The following DSCAM variants were observed in gnomAD, a reference collection of about 807,000 sequenced individuals.
The protein encoded by DSCAM is DS cell adhesion molecule, also known as cell adhesion molecule DSCAM.
In DSCAM, 47 loss-of-function variants were observed where a neutral mutation model predicts 217.7. That is an observed-to-expected ratio of 0.22 (90% confidence interval 0.17 to 0.28). DSCAM has a LOEUF of 0.28. Among genes scored for constraint, DSCAM ranks in the 10% least tolerant of loss-of-function variants. DSCAM has a pLI of 1.00. For synonymous variants in DSCAM, 1,056 were observed against 1,015.3 expected, an observed-to-expected ratio of 1.04 and a Z score of -0.76; for missense variants, 2,080 against 2,618.3, an observed-to-expected ratio of 0.79 and a Z score of 4.49.
chr21:40,567,813 C>A (rs2837709), intron 3 of DSCAM, among the ~76,000 whole-genome samples: 72,369 of 152,152 alleles, frequency 0.48, 17,542 homozygotes, highest in Admixed American at 0.56. Flanking sequence ...CGTTAAATGG[C>A]ATGGATTTGA....
chr21:40,563,202 T>A (rs980709541), intron 3 of DSCAM, among the ~76,000 whole-genome samples: 1 of 151,058 alleles, frequency 6.6e-6, no homozygotes, highest in Non-Finnish European at 1.5e-5. Flanking sequence ...TGTCCAGGAC[T>A]CTCTCATTTT....
chr21:40,310,943 AT>A (rs916412000), intron 9 of DSCAM, among the ~76,000 whole-genome samples: 35 of 150,932 alleles, frequency 2.3e-4, no homozygotes, highest in Admixed American at 8.6e-4. Context: ...TCACCTGGAA[AT>A]TTTTTTTTTC....
chr21:40,522,702 A>C lies in DSCAM; in HGVS notation c.509-153457T>G, dbSNP rs541645957. On this transcript the variant is annotated intron_variant, in intron 3 of 32. Coordinates refer to ENST00000400454, the MANE Select transcript of DSCAM (RefSeq NM_001389.5). ...GAGCAAAACAAACTTCGCTTTAAGAAGTTATCAAATCTCTGTATCTAAAGA... is the reference window on the plus strand; with the variant it reads ...GAGCAAAACAAACTTCGCTTTAAGACGTTATCAAATCTCTGTATCTAAAGA... Among the ~76,000 whole-genome samples the C allele has an allele frequency of 9.0e-4, 137 of 152,346 alleles. 1 individual carries two copies. The South Asian group carries it at 0.026, about 29-fold the overall frequency.
At chr21:40,741,597 TG>T in intron 1 of DSCAM, among the ~76,000 whole-genome samples, 1 of 152,122 alleles carries the variant, frequency 6.6e-6, no homozygotes, top group East Asian at 1.9e-4. Flanking sequence ...ACAAGTCCAC[TG>T]GGTAAATTTA....
In DSCAM at chr21:40,231,048, G is replaced by T. The variant is rs556790739; in HGVS notation, c.2357-41810C>A. On this transcript the variant is annotated intron_variant, in intron 11 of 32. Coordinates refer to ENST00000400454, the MANE Select transcript of DSCAM (RefSeq NM_001389.5). ...TTCACAACTTAGATCATATAGGTAG[G>T]CTGGAGAGGGCTGGAGTGGGAAGGA... 2.0e-5 allele frequency among the ~76,000 whole-genome samples: 3 copies of T among 151,222 alleles called. No homozygotes were observed. In the South Asian group the frequency reaches 6.3e-4, roughly 32 times the overall value.
intron 3 of DSCAM, among the ~76,000 whole-genome samples, chr21:40,509,430 G>C (rs1224904475): frequency 1.3e-5 from 2 of 152,210 alleles, no homozygotes; most frequent in African/African-American, 2.4e-5. Context: ...GTGGCCAAAG[G>C]AGATTTGATT....
chr21:40,497,436 G>C (rs1289980746), intron 3 of DSCAM, among the ~76,000 whole-genome samples: 1 of 149,460 alleles, frequency 6.7e-6, no homozygotes, highest in Non-Finnish European at 1.5e-5. Context: ...CATAGAAGTA[G>C]TGAGTAGAAT....
intron 19 of DSCAM, among the ~76,000 whole-genome samples, chr21:40,130,475 A>G (rs1412976735): frequency 6.6e-6 from 1 of 152,224 alleles, no homozygotes; most frequent in African/African-American, 2.4e-5. Flanking sequence ...ATATTTATGG[A>G]TAAAAGATGA....
intron 1 of DSCAM, among the ~76,000 whole-genome samples, chr21:40,821,093 G>GATATATATATATCTTCACATATATAT (rs1555892326): frequency 3.9e-5 from 5 of 129,356 alleles, no homozygotes; most frequent in Non-Finnish European, 6.5e-5. Flanking sequence ...CATATATAGA[G>GATATATATATATCTTCACATATATAT]AGATATATAT....
At chr21:40,700,235 A>T (rs2090640709) in intron 2 of DSCAM, among the ~76,000 whole-genome samples, 1 of 152,228 alleles carries the variant, frequency 6.6e-6, no homozygotes, top group Non-Finnish European at 1.5e-5. Flanking sequence ...GACGATGTAG[A>T]ATAGAAGTGG....
At chr21:40,327,719 T>A (rs143984663) in intron 8 of DSCAM, among the ~76,000 whole-genome samples, 1 of 152,302 alleles carries the variant, frequency 6.6e-6, no homozygotes, top group African/African-American at 2.4e-5. Flanking sequence ...GGAACATTCC[T>A]TCTGTATCTA....
intron 12 of DSCAM, among the ~76,000 whole-genome samples, chr21:40,188,751 A>G (rs2146829515): frequency 6.6e-6 from 1 of 151,916 alleles, no homozygotes; most frequent in Middle Eastern, 3.4e-3. Context: ...TCATTCCTGA[A>G]GGATTAACTG....
rs2075354955 is a variant in DSCAM at position 40,414,745 on chromosome 21, C to T, written c.509-45500G>A. On this transcript the variant is annotated intron_variant, in intron 3 of 32. Coordinates refer to ENST00000400454, the MANE Select transcript of DSCAM (RefSeq NM_001389.5). ...ATTATTATCAAAGTGCAGAGAATAT[C>T]TCGAGTGAGTCATTACCTGCCGACA... is the stretch of plus-strand genomic sequence containing the variant. Among the ~76,000 whole-genome samples, 3 of 152,136 alleles carry T rather than the reference C, an allele frequency of 2.0e-5. No homozygotes were observed. The South Asian group carries it at 6.2e-4, about 31-fold the overall frequency.
In DSCAM at chr21:40,481,358, C is replaced by T. The variant is rs147660598; in HGVS notation, c.509-112113G>A. ...CAAAAAAATTAGCCAGGCATGGTGG[C>T]GGGTGCCTGTAGTCCCAGCTACTCG... is the stretch of plus-strand genomic sequence containing the variant. On this transcript the variant is annotated intron_variant, in intron 3 of 32. Transcript: ENST00000400454. Among the ~76,000 whole-genome samples, 1,141 of 151,804 alleles carry T rather than the reference C, an allele frequency of 7.5e-3. 55 individuals are homozygous for T. Among genetic ancestry groups the T allele is most frequent in the Admixed American group, 0.069 (1,052 of 15,260 alleles).
chr21:40,436,954 CA>C (rs2075588603), intron 3 of DSCAM, among the ~76,000 whole-genome samples: 1 of 152,008 alleles, frequency 6.6e-6, no homozygotes, highest in African/African-American at 2.4e-5. Flanking sequence ...TACTGTTTTC[CA>C]AAAGGATTTG....
intron 3 of DSCAM, among the ~76,000 whole-genome samples, chr21:40,648,056 T>C (rs559881491): frequency 2.0e-5 from 3 of 151,954 alleles, no homozygotes; most frequent in African/African-American, 7.2e-5. Context: ...AACAAATAAA[T>C]AGAGAAAGAA....
intron 3 of DSCAM, 111 bp downstream of exon 3, chr21:40,692,699 T>C (rs1418035568): frequency 3.0e-6 from 4 of 1,328,416 alleles, no homozygotes; most frequent in African/African-American, 2.9e-5. Flanking sequence ...GCCTTAAGAA[T>C]ACTAATTCTG....
Position 40,192,305 on chromosome 21 carries a change from C to A in DSCAM, c.2357-3067G>T, listed in dbSNP as rs182867769. Reference sequence around the variant, plus strand: ...AATTGTAGTTTCCATAAATACAATTCGTCTCCCATAGTGTCATGGGAGAGG... The same window carrying A: ...AATTGTAGTTTCCATAAATACAATTAGTCTCCCATAGTGTCATGGGAGAGG... On this transcript the variant is annotated intron_variant, in intron 11 of 32. Coordinates refer to ENST00000400454, the MANE Select transcript of DSCAM (RefSeq NM_001389.5). 8.5e-5 allele frequency among the ~76,000 whole-genome samples: 13 copies of A among 152,248 alleles called. No individual in the cohort carries two copies. The East Asian group carries it at 2.5e-3, about 29-fold the overall frequency.
intron 3 of DSCAM, among the ~76,000 whole-genome samples, chr21:40,523,235 C>T (rs1482604104): frequency 6.6e-6 from 1 of 152,244 alleles, no homozygotes; most frequent in Middle Eastern, 3.4e-3. Context: ...CCTGTGCCCA[C>T]GGACCTAGGT....
Sources: gnomAD v4.1 joint callset for allele counts (sites outside exome capture counted in the v4.1 genomes callset) on GRCh38, gnomAD v4.1.1 for gene constraint, MANE v1.5 for transcripts, NCBI Gene and HGNC (gene_info 2026-07-23, HGNC 2026-07-21) for gene names.